Variants in ZMYM2 observed in about 807,000 individuals in gnomAD.
The protein encoded by ZMYM2 is zinc finger MYM-type protein 2.
Under a neutral mutation model 162.8 loss-of-function variants are expected in ZMYM2, and 56 were observed. The observed-to-expected ratio is 0.34, with a 90% CI of 0.28 to 0.43. ZMYM2 has a LOEUF of 0.43. ZMYM2 is among the 20% of genes least tolerant of loss of function. The pLI, the probability that ZMYM2 is intolerant of heterozygous loss-of-function variation, is 1.00. For missense variants in ZMYM2, 1,275 were observed against 1,621.8 expected (o/e 0.79, Z 3.67); for synonymous variants, 510 against 541.6 (o/e 0.94, Z 0.81).
chr13:20,051,682 A>C, intron 13 of ZMYM2, 84 bp downstream of exon 13: 2 of 1,352,520 alleles, frequency 1.5e-6, no homozygotes, highest in Non-Finnish European at 2.0e-6. Context: ...GATAATGAAT[A>C]GTTGATTTTG....
chr13:20,014,651 G>GTT lies in ZMYM2; in HGVS notation c.1513-4893_1513-4892dup, dbSNP rs150239455. ...TTGTTTCTCTCACTTTTTCTGTTCT[G>GTT]TTTTATTTTTCCTGCTCTAATCTTT... On this transcript the variant is annotated intron_variant, in intron 6 of 24. Coordinates refer to ENST00000610343, the MANE Select transcript of ZMYM2 (RefSeq NM_197968.4). Among the ~76,000 whole-genome samples, 13 of 148,848 alleles carry GTT rather than the reference G, an allele frequency of 8.7e-5. No homozygotes were observed. The South Asian group carries it at 1.7e-3, about 19-fold the overall frequency.
the ZMYM2 span, among the ~76,000 whole-genome samples, chr13:19,870,580 T>TTTCC: frequency 2.2e-3 from 295 of 132,162 alleles, 2 homozygotes; most frequent in Middle Eastern, 0.03. Context: ...CCTTCTTTCC[T>TTTCC]TTCCTTCCTT....
rs775906209 is a variant in ZMYM2, at chr13:19,993,138, G to A, written c.66G>A (p.Thr22=). 8 of 1,614,042 alleles carry A rather than the reference G, an allele frequency of 5.0e-6. No individual in the cohort carries two copies. Among genetic ancestry groups the A allele is most frequent in the South Asian group, 1.1e-5 (1 of 91,072 alleles). ...TDQTPVLLGS[T]AMATSLTNVG... is the part of the protein sequence containing the mutation. ...AGACTCCTGTTTTATTAGGGAGTACGGCCATGGCAACTAGTCTCACGAATG... is the reference window on the plus strand; with the variant it reads ...AGACTCCTGTTTTATTAGGGAGTACAGCCATGGCAACTAGTCTCACGAATG... The change falls in exon 3 of 25, where the codon ACG becomes ACA. Residue 22 remains threonine, a synonymous_variant. Transcript: ENST00000610343.
At chr13:19,879,660 G>A in the ZMYM2 span, among the ~76,000 whole-genome samples, 1 of 152,184 alleles carries the variant, frequency 6.6e-6, no homozygotes, top group Non-Finnish European at 1.5e-5. Context: ...TTTAGAGTGG[G>A]CTTTTCTATT....
At chr13:20,006,129 A>G (rs889155612) in intron 5 of ZMYM2, among the ~76,000 whole-genome samples, 1 of 151,870 alleles carries the variant, frequency 6.6e-6, no homozygotes, top group Non-Finnish European at 1.5e-5. Context: ...GCTACTCGGG[A>G]GGCTGAGGTA....
chr13:19,969,562 G>A lies in ZMYM2; in HGVS notation c.-11+9536G>A, dbSNP rs143129540. ...GTTAGATGTATGATGAAATTCAGAG[G>A]CAAAAGTATAACTCAAGATATGAAG... On this transcript the variant is annotated intron_variant, in intron 2 of 24. Transcript: ENST00000610343. Among the ~76,000 whole-genome samples, 686 of 152,190 alleles carry A rather than the reference G, an allele frequency of 4.5e-3. 6 individuals carry two copies. The highest frequency in any genetic ancestry group is 0.015 in the African/African-American group (643 of 41,516).
At position 19,984,108 on chromosome 13, in the gene ZMYM2, T is replaced by G. The variant is rs946838491; in HGVS notation, c.-10-8955T>G. The stretch of plus-strand genomic sequence containing the variant: ...GATAGGCTTATAAGGGAGAAGATGA[T>G]GAATACTTTTGTTGAAGCACTTTGA... On this transcript the variant is annotated intron_variant, in intron 2 of 24. Transcript: ENST00000610343. 3.9e-5 allele frequency among the ~76,000 whole-genome samples: 6 copies of G among 152,362 alleles called. No individual in the cohort carries two copies. The East Asian group carries it at 1.2e-3, about 29-fold the overall frequency.
chr13:19,955,151 A>G (rs1292682987), upstream of ZMYM2, among the ~76,000 whole-genome samples: 1 of 151,226 alleles, frequency 6.6e-6, no homozygotes, highest in East Asian at 1.9e-4. Flanking sequence ...TATTATTATT[A>G]TTATTATTAT....
intron 3 of ZMYM2, among the ~76,000 whole-genome samples, chr13:19,996,572 A>G (rs766404705): frequency 2.0e-5 from 3 of 152,122 alleles, no homozygotes; most frequent in Non-Finnish European, 2.9e-5. Context: ...ACTAAAATAC[A>G]AAAATTAGTG....
At chr13:19,995,004 A>T (rs1030996801) in intron 3 of ZMYM2, among the ~76,000 whole-genome samples, 4 of 119,262 alleles carry the variant, frequency 3.4e-5, no homozygotes, top group African/African-American at 1.7e-4. Context: ...GGCTAAATTA[A>T]AAAAAAAAAA....
intron 2 of ZMYM2, among the ~76,000 whole-genome samples, chr13:19,992,785 GGAATATATTGCATATGATTACCAT>G (rs1348865072): frequency 2.6e-5 from 4 of 151,664 alleles, no homozygotes; most frequent in Non-Finnish European, 5.9e-5. Flanking sequence ...GGTGGTGGTA[GGAATATATTGCATATGATTACCAT>G]GAATATATTG....
intron 21 of ZMYM2, 100 bp from the exon 22 acceptor site, chr13:20,081,916 A>G (rs1957936581): frequency 1.5e-6 from 1 of 665,630 alleles, no homozygotes; most frequent in African/African-American, 1.9e-5. Flanking sequence ...AAAGACATAA[A>G]GCTTTATTTT....
chr13:20,056,057 G>T (rs10492509), intron 14 of ZMYM2, among the ~76,000 whole-genome samples: 1 of 152,142 alleles, frequency 6.6e-6, no homozygotes, highest in African/African-American at 2.4e-5. Context: ...TTATTTTTAC[G>T]AGGTCATTGG....
the ZMYM2 span, among the ~76,000 whole-genome samples, chr13:19,937,213 A>T: frequency 6.6e-6 from 1 of 151,136 alleles, no homozygotes; most frequent in Non-Finnish European, 1.5e-5. Flanking sequence ...CAATGGCACT[A>T]TCTTGGCCCA....
chr13:19,919,835 T>C, the ZMYM2 span, among the ~76,000 whole-genome samples: 1 of 152,004 alleles, frequency 6.6e-6, no homozygotes, highest in South Asian at 2.1e-4. Context: ...GCACCACACC[T>C]GGCCGATTTT....
chr13:20,074,239 A>T (rs9506424), intron 21 of ZMYM2, among the ~76,000 whole-genome samples: 3,591 of 134,916 alleles, frequency 0.027, 74 homozygotes, highest in East Asian at 0.12. Flanking sequence ...TGTGTGTGTG[A>T]GAGAGACAGA....
intron 14 of ZMYM2, among the ~76,000 whole-genome samples, chr13:20,057,396 C>T (rs1020661618): frequency 1.1e-4 from 16 of 152,056 alleles, no homozygotes; most frequent in African/African-American, 3.1e-4. Context: ...TCCCGGCCTC[C>T]CAGAGTTCTG....
intron 2 of ZMYM2, among the ~76,000 whole-genome samples, chr13:19,962,496 G>GATATATATATATATATATATATATAT (rs199575840): frequency 8.3e-5 from 7 of 84,822 alleles, no homozygotes; most frequent in African/African-American, 4.3e-4. Flanking sequence ...AATTGCATGG[G>GATATATATATATATATATATATATAT]ATATATATAT....
At chr13:19,906,284 G>GCATATATA in the ZMYM2 span, among the ~76,000 whole-genome samples, 2 of 63,790 alleles carry the variant, frequency 3.1e-5, no homozygotes, top group Admixed American at 2.4e-4. Flanking sequence ...TCAAAAAAAA[G>GCATATATA]TATATATATA....
Sources: gnomAD v4.1 joint callset for allele counts (sites outside exome capture counted in the v4.1 genomes callset) on GRCh38, gnomAD v4.1.1 for gene constraint, MANE v1.5 for transcripts, NCBI Gene and HGNC (gene_info 2026-07-23, HGNC 2026-07-21) for gene names.